SLC9A3: variants seen among roughly 807,000 people sequenced by gnomAD.
The protein encoded by SLC9A3 is solute carrier family 9 member A3.
SLC9A3 carries 37 observed loss-of-function variants against 86.8 expected under a neutral mutation model. That is an observed-to-expected ratio of 0.43 (90% CI 0.33 to 0.56). SLC9A3 has a LOEUF of 0.56. SLC9A3 is among the 20% of genes least tolerant of loss of function. The pLI is 0.06. For missense variants in SLC9A3, 1,011 were observed against 1,171.9 expected, an observed-to-expected ratio of 0.86 and a Z score of 2.00; for synonymous variants, 581 against 528.3, an observed-to-expected ratio of 1.10 and a Z score of -1.37.
At chr5:500,849 G>A in intron 1 of SLC9A3, among the ~76,000 whole-genome samples, 1 of 80,158 alleles carries the variant, frequency 1.2e-5, no homozygotes. Flanking sequence ...GGACGGGGCT[G>A]GTGTGGATGG....
chr5:523,706 C>T (rs1365577002), intron 1 of SLC9A3, among the ~76,000 whole-genome samples: 1 of 152,170 alleles, frequency 6.6e-6, no homozygotes, highest in Non-Finnish European at 1.5e-5. Flanking sequence ...CTTTTCTGCC[C>T]TTGTAACTCA....
At position 481,703 on chromosome 5, in the gene SLC9A3, T is replaced by G. The variant is rs1401107784; in HGVS notation, c.1447-68A>C. 5 of 1,343,818 alleles carry G rather than the reference T, an allele frequency of 3.7e-6. No homozygotes were observed. The African/African-American group carries it at 5.8e-5, about 16-fold the overall frequency. 83.2% of individuals were successfully genotyped at this position (1,343,818 alleles called of 1,614,324 possible). A position where few individuals can be genotyped will look rare whatever the true frequency, so the allele number is the denominator to read the frequency against. On this transcript the variant is annotated intron_variant, in intron 8 of 16. Transcript: ENST00000264938. ...CGGGGAACATGAGGTGCCCCTCCAC[T>G]CCTGGCCCAGCCCCGAGGAACCCAC...
In SLC9A3 at chr5:499,200, T is replaced by C. The variant is rs565365303; in HGVS notation, c.212-7129A>G. Reference sequence around the variant, plus strand: ...CTTGAACGGCAGTCTGCATTGTAATTAGCTGGTGAAACCAAGAACTCAATT... The same window carrying C: ...CTTGAACGGCAGTCTGCATTGTAATCAGCTGGTGAAACCAAGAACTCAATT... On this transcript the variant is annotated intron_variant, in intron 1 of 16. Transcript: ENST00000264938. 1.2e-4 allele frequency among the ~76,000 whole-genome samples: 19 copies of C among 152,372 alleles called. No homozygotes were observed. In the South Asian group the frequency reaches 3.7e-3, roughly 30 times the overall value.
intron 10 of SLC9A3, chr5:477,678 G>A (rs1476092169): frequency 4.0e-6 from 2 of 500,326 alleles, no homozygotes; most frequent in Admixed American, 7.4e-5. Context: ...CCTGAACTGG[G>A]CAGAGGTCAT....
intron 1 of SLC9A3, among the ~76,000 whole-genome samples, chr5:522,143 C>T (rs537003860): frequency 2.0e-5 from 3 of 152,268 alleles, no homozygotes; most frequent in South Asian, 2.1e-4. Flanking sequence ...GCCAACAATC[C>T]GAGACAAAGA....
rs1469403196 is a variant in SLC9A3 at position 473,371 on chromosome 5, A to C, written c.*8T>G. The C allele has an allele frequency of 2.1e-5, 30 of 1,417,148 alleles. No individual in the cohort carries two copies. The highest frequency in any genetic ancestry group is 2.8e-5 in the Non-Finnish European group (30 of 1,078,728). The allele number at this position is 1,417,148 out of a possible 1,614,324, so 87.8% of individuals were successfully genotyped here. On this transcript the variant is annotated 3_prime_UTR_variant, in exon 17 of 17. Transcript: ENST00000264938. ...GAGCGGCCGGTTAGCGGCGTGTCGG[A>C]GCCGGTGTCACCTGCGGGAGAGGAA...
rs1739741340 is a variant in SLC9A3, at chr5:491,560, C to T, written c.514+209G>A. ...CCGAGCTGCCGAGATGGGAACTCCT[C>T]CCCAAGCAGAACACGTGCTGGGACC... is the stretch of plus-strand genomic sequence containing the variant. On this transcript the variant is annotated intron_variant, in intron 2 of 16. Coordinates refer to ENST00000264938, the MANE Select transcript of SLC9A3 (RefSeq NM_004174.4). The surrounding 1 kb of genome is among the most constrained non-coding windows in gnomAD (Gnocchi z 9.2). 6.6e-6 allele frequency among the ~76,000 whole-genome samples: 1 copy of T among 151,942 alleles called. No homozygotes were observed. Among genetic ancestry groups the T allele is most frequent in the South Asian group, 2.1e-4 (1 of 4,818 alleles).
chr5:473,190 G>T lies in SLC9A3; in HGVS notation c.*189C>A. ...CCCCGCCCCCGGCTCGCCCTCGGGC[G>T]GCTCTGCGGGCGCAGGCGCGGCACT... On this transcript the variant is annotated 3_prime_UTR_variant, in exon 17 of 17. Coordinates refer to ENST00000264938, the MANE Select transcript of SLC9A3 (RefSeq NM_004174.4). 1.1e-5 allele frequency: 5 copies of T among 451,302 alleles called. No individual in the cohort carries two copies. The highest frequency in any genetic ancestry group is 2.4e-4 in the South Asian group (2 of 8,366). The allele number at this position is 451,302 out of a possible 1,614,324, so 28.0% of individuals were successfully genotyped here. A position where few individuals can be genotyped will look rare whatever the true frequency, so the allele number is the denominator to read the frequency against.
intron 3 of SLC9A3, 71 bp downstream of exon 3, chr5:488,245 C>G: frequency 1.3e-6 from 2 of 1,545,552 alleles, no homozygotes; most frequent in Non-Finnish European, 8.9e-7. Flanking sequence ...GCTGACTGAC[C>G]GATGGGGGGT....
At chr5:498,277 C>T (rs1482572232) in intron 1 of SLC9A3, among the ~76,000 whole-genome samples, 2 of 152,132 alleles carry the variant, frequency 1.3e-5, no homozygotes, top group Non-Finnish European at 2.9e-5. Flanking sequence ...GCTTCCGTGA[C>T]TCACATTCCG....
chr5:498,172 C>G (rs1409525428), intron 1 of SLC9A3, among the ~76,000 whole-genome samples: 1 of 152,250 alleles, frequency 6.6e-6, no homozygotes, highest in Admixed American at 6.5e-5. Flanking sequence ...GGGGCCACGT[C>G]TCGGTCCGAC....
At chr5:479,779 C>T (rs1739038599) in intron 10 of SLC9A3, 57 bp downstream of exon 10, 2 of 1,595,910 alleles carry the variant, frequency 1.3e-6, no homozygotes, top group East Asian at 2.2e-5. Flanking sequence ...ATGGCACCCA[C>T]AGCCAGTGCC....
rs140152826 is a variant in SLC9A3 at position 471,420 on chromosome 5, G to A, written c.*1959C>T. On this transcript the variant is annotated 3_prime_UTR_variant, in exon 17 of 17. Transcript: ENST00000264938. ...ACGACGCTCCTGCTCTGTTCTCCCAGGCACAGACAGGCACTTGGAAGGCAG... is the reference window on the plus strand; with the variant it reads ...ACGACGCTCCTGCTCTGTTCTCCCAAGCACAGACAGGCACTTGGAAGGCAG... The A allele has an allele frequency of 1.2e-4, 40 of 323,150 alleles. No individual in the cohort carries two copies. Among genetic ancestry groups the A allele is most frequent in the African/African-American group, 8.2e-4 (38 of 46,448 alleles). 20.0% of individuals were successfully genotyped at this position (323,150 alleles called of 1,614,324 possible). A position where few individuals can be genotyped will look rare whatever the true frequency, so the allele number is the denominator to read the frequency against.
intron 1 of SLC9A3, among the ~76,000 whole-genome samples, chr5:492,484 G>A (rs1739826142): frequency 6.6e-6 from 1 of 151,722 alleles, no homozygotes; most frequent in South Asian, 2.1e-4. Flanking sequence ...AGGTGATCAG[G>A]TCCCACAGGG....
chr5:484,517 C>CA lies in SLC9A3; in HGVS notation c.932+2dup. The stretch of plus-strand genomic sequence containing the variant: ...GAAGCTCGCGTGTGTGGGAGGGACT[C>CA]ACGCGAGGATGGCCGACAGCGACAG... On this transcript the variant is annotated splice_region_variant and intron_variant, in intron 5 of 16. Transcript: ENST00000264938. 6.2e-7 allele frequency: 1 copy of CA among 1,612,126 alleles called. No homozygotes were observed. Among genetic ancestry groups the CA allele is most frequent in the African/African-American group, 1.3e-5 (1 of 74,346 alleles).
intron 8 of SLC9A3, 34 bp from the exon 9 acceptor site, chr5:481,669 G>A (rs778620480): frequency 1.9e-6 from 3 of 1,587,162 alleles, no homozygotes; most frequent in African/African-American, 2.7e-5. Flanking sequence ...GCGTCTCGGG[G>A]CGGCCAACCG....
intron 2 of SLC9A3, among the ~76,000 whole-genome samples, chr5:489,973 G>T (rs1293885958): frequency 6.6e-6 from 1 of 152,228 alleles, no homozygotes; most frequent in Non-Finnish European, 1.5e-5. Context: ...ACACTGCCCG[G>T]ACAGCCCCCG....
At chr5:493,193 C>T (rs879807729) in intron 1 of SLC9A3, among the ~76,000 whole-genome samples, 4 of 152,076 alleles carry the variant, frequency 2.6e-5, no homozygotes, top group Non-Finnish European at 5.9e-5. Flanking sequence ...AAATGAGGTG[C>T]GTCCTCCGGC....
At chr5:493,387 A>G (rs1160481045) in intron 1 of SLC9A3, among the ~76,000 whole-genome samples, 1 of 152,212 alleles carries the variant, frequency 6.6e-6, no homozygotes, top group African/African-American at 2.4e-5. Context: ...GCACAGCTGG[A>G]GGGGCGGTGG....
Sources: gnomAD v4.1 joint callset for allele counts (sites outside exome capture counted in the v4.1 genomes callset) on GRCh38, gnomAD v4.1.1 for gene constraint, Gnocchi (gnomAD v3.1) non-coding constraint, MANE v1.5 for transcripts, NCBI Gene and HGNC (gene_info 2026-07-23, HGNC 2026-07-21) for gene names.